Variants in UNC5A observed in about 807,000 individuals in gnomAD.
UNC5A encodes netrin receptor UNC5A.
In UNC5A, 20 loss-of-function variants were observed where a neutral mutation model predicts 87.4. That is an observed-to-expected ratio of 0.23 (90% confidence interval 0.16 to 0.33). The LOEUF (loss-of-function observed/expected upper bound fraction) is 0.33. UNC5A is among the 10% of genes least tolerant of loss of function. The pLI, the probability that UNC5A is intolerant of heterozygous loss-of-function variation, is 1.00. For missense variants in UNC5A, 844 were observed against 1,133.4 expected, an observed-to-expected ratio of 0.74 and a Z score of 3.67; for synonymous variants, 438 against 482.3, an observed-to-expected ratio of 0.91 and a Z score of 1.20.
At chr5:176,850,457 G>A (rs541702345) in intron 1 of UNC5A, among the ~76,000 whole-genome samples, 4 of 152,124 alleles carry the variant, frequency 2.6e-5, no homozygotes, top group South Asian at 4.1e-4. Context: ...GAGTTAGGTG[G>A]CCACGAGGGA....
At chr5:176,858,546 G>A (rs1757720460) in intron 1 of UNC5A, among the ~76,000 whole-genome samples, 1 of 152,024 alleles carries the variant, frequency 6.6e-6, no homozygotes, top group African/African-American at 2.4e-5. Flanking sequence ...ATGAACAATG[G>A]AAATGGGAGA....
Position 176,869,094 on chromosome 5 carries a change from G to C in UNC5A, c.721+130G>C. 3 of 1,078,396 alleles carry C rather than the reference G, an allele frequency of 2.8e-6. No homozygotes were observed. The highest frequency in any genetic ancestry group is 2.6e-6 in the Non-Finnish European group (2 of 775,048). 66.8% of individuals were successfully genotyped at this position (1,078,396 alleles called of 1,614,324 possible). ...GGACCAGATCGTGCCTGACTAGGCA[G>C]GATAAGCAAAGGGCTCTCTGTGACT... On this transcript the variant is annotated intron_variant, in intron 5 of 14. Transcript: ENST00000329542. This position sits in a 1 kb window ranked among gnomAD's most constrained non-coding sequence, Gnocchi z 9.1.
intron 1 of UNC5A, among the ~76,000 whole-genome samples, chr5:176,843,524 T>C (rs900620388): frequency 2.6e-5 from 4 of 152,242 alleles, no homozygotes; most frequent in Non-Finnish European, 5.9e-5. Context: ...TGGTGGTGGA[T>C]ACATTTGTCC....
At chr5:176,836,238 A>G (rs1484853776) in intron 1 of UNC5A, among the ~76,000 whole-genome samples, 2 of 152,182 alleles carry the variant, frequency 1.3e-5, no homozygotes, top group African/African-American at 4.8e-5. Flanking sequence ...CATGATGCGA[A>G]GGGGAGATTG....
rs764604029 is a variant in UNC5A, at chr5:176,862,644, G to C, written c.91G>C (p.Val31Leu). ...CGCAGGTGCCCAGCAGAGTGCCACC[G>C]TGGCCAACCCAGTGCCTGGTGCCAA... ...RGSGAQQSATVANPVPGANPD... is the reference protein window; with the variant it reads ...RGSGAQQSATLANPVPGANPD... The change falls in exon 2 of 15, where the codon GTG becomes CTG. Residue 31 changes from valine (V) to leucine (L), a missense_variant. Val to Leu is a conservative substitution (Grantham distance 32, BLOSUM62 1). Around this residue, in one of 3 missense-constraint regions of UNC5A, gnomAD observed 314 missense variants for 466.5 expected, o/e 0.67. Transcript: ENST00000329542. 4 of 1,613,318 alleles carry C rather than the reference G, an allele frequency of 2.5e-6. No individual in the cohort carries two copies. The highest frequency in any genetic ancestry group is 2.7e-5 in the African/African-American group (2 of 74,922).
rs755671102 is a variant in UNC5A, at chr5:176,878,117, A to G, written c.1859A>G (p.Asp620Gly). 1 of 1,608,510 alleles carries G rather than the reference A, an allele frequency of 6.2e-7. No individual in the cohort carries two copies. Among genetic ancestry groups the G allele is most frequent in the Admixed American group, 1.7e-5 (1 of 60,010 alleles). The change falls in exon 11 of 15, where the codon GAT becomes GGT. Residue 620 changes from aspartate to glycine, a missense_variant. By Grantham distance (94) the Asp-to-Gly change is moderately conservative. Transcript: ENST00000329542. ...GTCTACTGCCTGCATGACACCCACG[A>G]TGCACTCAAGGTATCTCCCGCCCCT... is the stretch of plus-strand genomic sequence containing the variant. Reference protein sequence around the residue: ...IRVYCLHDTHDALKEVVQLEK... With the variant: ...IRVYCLHDTHGALKEVVQLEK...
intron 1 of UNC5A, among the ~76,000 whole-genome samples, chr5:176,828,651 C>G (rs1756911605): frequency 6.6e-6 from 1 of 152,190 alleles, no homozygotes; most frequent in South Asian, 2.1e-4. Context: ...TGGCGTTTAT[C>G]CACATTGGAG....
intron 1 of UNC5A, among the ~76,000 whole-genome samples, chr5:176,845,896 G>A (rs1007429803): frequency 1.1e-4 from 17 of 152,236 alleles, no homozygotes; most frequent in African/African-American, 3.9e-4. Flanking sequence ...TAGATGCAAA[G>A]CCCCTGAAGC....
chr5:176,870,642 C>T (rs1758086758), intron 6 of UNC5A, 108 bp downstream of exon 6: 2 of 1,293,224 alleles, frequency 1.5e-6, no homozygotes, highest in Admixed American at 2.8e-5. Context: ...AGGCTGTAGC[C>T]TCTCCAGGCT....
chr5:176,836,597 C>G (rs1757153386), intron 1 of UNC5A, among the ~76,000 whole-genome samples: 3 of 151,874 alleles, frequency 2.0e-5, no homozygotes, highest in Non-Finnish European at 2.9e-5. Flanking sequence ...ACTGGCCCAC[C>G]TGGGACAGCC....
In UNC5A at chr5:176,868,150, C is replaced by T. The variant is rs750371659; in HGVS notation, c.313C>T (p.Arg105Cys). The stretch of plus-strand genomic sequence containing the variant: ...CCCAGGGCTGCCCACCATGGAGGTC[C>T]GCATTAATGTCTCAAGGCAGCAGGT... ...GSSGLPTMEV[R>C]INVSRQQVEK... is the part of the protein sequence containing the mutation. Residue 105 changes from arginine (R) to cysteine (C), a missense_variant, in exon 3 of 15, where the codon CGC becomes TGC. Transcript: ENST00000329542. 36 of 1,613,124 alleles carry T rather than the reference C, an allele frequency of 2.2e-5. No individual in the cohort carries two copies. In the South Asian group the frequency reaches 2.4e-4, roughly 11 times the overall value.
At chr5:176,877,788 G>T in intron 10 of UNC5A, 85 bp downstream of exon 10, 1 of 1,518,018 alleles carries the variant, frequency 6.6e-7, no homozygotes. Context: ...GGGTGGTCCT[G>T]AGCCGCACCC....
intron 1 of UNC5A, among the ~76,000 whole-genome samples, chr5:176,825,020 A>G (rs895311658): frequency 3.9e-5 from 6 of 152,070 alleles, no homozygotes; most frequent in African/African-American, 1.4e-4. Flanking sequence ...CCTCCCTCCC[A>G]GCTCTTGGAG....
chr5:176,829,630 A>G (rs1756952147), intron 1 of UNC5A, among the ~76,000 whole-genome samples: 1 of 151,762 alleles, frequency 6.6e-6, no homozygotes, highest in South Asian at 2.1e-4. Flanking sequence ...AGGTGGATGG[A>G]TGGGTAGATA....
At chr5:176,851,580 C>CGCGCCGGGGCCACACCCGG (rs1206562781) in intron 1 of UNC5A, among the ~76,000 whole-genome samples, 3 of 152,246 alleles carry the variant, frequency 2.0e-5, no homozygotes, top group Non-Finnish European at 4.4e-5. Flanking sequence ...TCATCATCCC[C>CGCGCCGGGGCCACACCCGG]GCGCCGGGGC....
intron 2 of UNC5A, among the ~76,000 whole-genome samples, chr5:176,867,721 C>T (rs1448986478): frequency 6.6e-6 from 1 of 152,190 alleles, no homozygotes. Context: ...ACCTCTTTTA[C>T]CCACAGAGGT....
intron 1 of UNC5A, among the ~76,000 whole-genome samples, chr5:176,853,958 G>T (rs1757605456): frequency 6.6e-6 from 1 of 152,238 alleles, no homozygotes; most frequent in African/African-American, 2.4e-5. Context: ...TTTCACAAAT[G>T]AGAACAATGA....
At position 176,875,903 on chromosome 5, in the gene UNC5A, GGAT is replaced by G. The variant is rs935388002; in HGVS notation, c.1379-1285_1379-1283del. Among the ~76,000 whole-genome samples, 3 of 152,334 alleles carry G rather than the reference GGAT, an allele frequency of 2.0e-5. No individual in the cohort carries two copies. Among genetic ancestry groups the G allele is most frequent in the Middle Eastern group, 6.8e-3 (2 of 294 alleles). ...TGCCGTCTGTGCCTCACGTCCACAC[GGAT>G]GATAACGAACCCCTCATGGGGCTGT... is the stretch of plus-strand genomic sequence containing the variant. On this transcript the variant is annotated intron_variant, in intron 8 of 14. Transcript: ENST00000329542. The surrounding 1 kb of genome is among the most constrained non-coding windows in gnomAD (Gnocchi z 5.2).
rs905450945 is a variant in UNC5A, at chr5:176,830,975, T to C, written c.70+20155T>C. ...ATGTGCCGGCGTGTGTGTGTGCTGG[T>C]GTGTGTGTGTGTGAGATGGGAGGTG... On this transcript the variant is annotated intron_variant, in intron 1 of 14. Transcript: ENST00000329542. Among the ~76,000 whole-genome samples, 5 of 149,640 alleles carry C rather than the reference T, an allele frequency of 3.3e-5. No homozygotes were observed. The East Asian group carries it at 9.8e-4, about 29-fold the overall frequency.
Sources: allele counts gnomAD v4.1 joint callset (sites outside exome capture counted in the v4.1 genomes callset), GRCh38; gene constraint gnomAD v4.1.1; regional missense constraint gnomAD v4.1.1; non-coding constraint Gnocchi (gnomAD v3.1); transcripts MANE v1.5; gene names NCBI Gene and HGNC (gene_info 2026-07-23, HGNC 2026-07-21).